UBR2: variants seen among roughly 807,000 people sequenced by gnomAD.
The protein encoded by UBR2 is ubiquitin protein ligase E3 component n-recognin 2.
UBR2 carries 92 observed loss-of-function variants against 247.9 expected under a neutral mutation model. The observed-to-expected ratio is 0.37, with a 90% CI of 0.31 to 0.44. UBR2 has a LOEUF of 0.44. Ranked by LOEUF, UBR2 falls within the 20% of genes least tolerant of loss-of-function variation. The probability of loss-of-function intolerance (pLI) is 1.00; values close to 1 mark genes in which losing one functional copy is unlikely to be tolerated. For missense variants in UBR2, 1,613 were observed against 2,112.6 expected (o/e 0.76, Z 4.64); for synonymous variants, 672 against 693.5 (o/e 0.97, Z 0.49).
intron 11 of UBR2, among the ~76,000 whole-genome samples, chr6:42,618,688 A>G (rs976506324): frequency 2.6e-5 from 4 of 152,368 alleles, no homozygotes; most frequent in Middle Eastern, 3.4e-3. Flanking sequence ...GGACGAGGAT[A>G]AAAGTGAGTG....
intron 10 of UBR2, among the ~76,000 whole-genome samples, chr6:42,616,632 CTT>C (rs535573811): frequency 2.2e-5 from 3 of 135,114 alleles, no homozygotes; most frequent in Admixed American, 7.5e-5. Flanking sequence ...ATGTATTTTG[CTT>C]TTTTTTTTTT....
rs1562409917 is a variant in UBR2 at position 42,689,148 on chromosome 6, G to C, written c.5025-421G>C. On this transcript the variant is annotated intron_variant, in intron 45 of 46. Transcript: ENST00000372901. This position sits in a 1 kb window ranked among gnomAD's most constrained non-coding sequence, Gnocchi z 4.0. ...TCACTGGAGTGTTGTGCACAGGTGA[G>C]AGAATCCAGGGGCCTGCTGTGTGCT... Among the ~76,000 whole-genome samples, 1 of 152,192 alleles carries C rather than the reference G, an allele frequency of 6.6e-6. No individual in the cohort carries two copies. Among genetic ancestry groups the C allele is most frequent in the Non-Finnish European group, 1.5e-5 (1 of 68,030 alleles).
chr6:42,670,480 A>G (rs1798364123), intron 35 of UBR2, among the ~76,000 whole-genome samples, 180 bp from the exon 36 acceptor site: 1 of 152,210 alleles, frequency 6.6e-6, no homozygotes, highest in Non-Finnish European at 1.5e-5. Context: ...AGTTGAAGGA[A>G]TGTACTGTTC....
rs372954536 is a variant in UBR2, at chr6:42,650,365, T to C, written c.2544T>C (p.Phe848=). ...AGTTCAACTTGTATTTCTATCACTT[T>C]TCAAGGGCAGAACAGTCCAAGGTAA... ...AKEFNLYFYH[F]SRAEQSKAEE... is the part of the protein sequence containing the mutation. The change falls in exon 23 of 47, where the codon TTT becomes TTC. Residue 848 remains phenylalanine (F), a synonymous_variant. Coordinates refer to ENST00000372901, the MANE Select transcript of UBR2 (RefSeq NM_001363705.2). The C allele has an allele frequency of 1.3e-5, 21 of 1,613,798 alleles. No individual in the cohort carries two copies. Among genetic ancestry groups the C allele is most frequent in the Non-Finnish European group, 1.8e-5 (21 of 1,179,834 alleles).
At chr6:42,603,822 A>C in intron 5 of UBR2, 104 bp downstream of exon 5, 2 of 1,186,526 alleles carry the variant, frequency 1.7e-6, no homozygotes, top group South Asian at 3.0e-5. Context: ...AGTTTTTAGC[A>C]GAACAATAAC....
Position 42,658,741 on chromosome 6 carries a change from G to A in UBR2, c.3159G>A (p.Gln1053=). The change falls in exon 29 of 47, where the codon CAG becomes CAA. Residue 1053 remains glutamine (Q), a synonymous_variant. Coordinates refer to ENST00000372901, the MANE Select transcript of UBR2 (RefSeq NM_001363705.2). ...TCATGGCTCAGATGTCTGAAATGCA[G>A]CGGCATTTTATTGATGAAAACAAAG... ...EKIMAQMSEM[Q]RHFIDENKEL... 1 of 1,612,678 alleles carries A rather than the reference G, an allele frequency of 6.2e-7. No individual in the cohort carries two copies. The highest frequency in any genetic ancestry group is 1.1e-5 in the South Asian group (1 of 91,024).
chr6:42,649,451 T>A (rs1046080424), intron 22 of UBR2, among the ~76,000 whole-genome samples: 1 of 152,164 alleles, frequency 6.6e-6, no homozygotes, highest in Non-Finnish European at 1.5e-5. Context: ...ACTGTGAAAG[T>A]GTTTCTTTGA....
chr6:42,626,191 C>A (rs1403645927), intron 11 of UBR2, among the ~76,000 whole-genome samples: 3 of 151,812 alleles, frequency 2.0e-5, no homozygotes, highest in African/African-American at 7.3e-5. Context: ...GCCATTCTTG[C>A]GTAGTTTCTT....
chr6:42,686,515 C>T (rs1396875159), intron 44 of UBR2, among the ~76,000 whole-genome samples: 1 of 152,168 alleles, frequency 6.6e-6, no homozygotes, highest in Non-Finnish European at 1.5e-5. Flanking sequence ...ATCTCTCTTT[C>T]TTTTCCCCAC....
At chr6:42,637,227 A>G (rs753880382) in intron 15 of UBR2, 33 bp downstream of exon 15, 2 of 1,585,446 alleles carry the variant, frequency 1.3e-6, no homozygotes. Flanking sequence ...AAACCCTAAA[A>G]TTATCTTTTA....
chr6:42,655,486 C>G (rs974068220), intron 25 of UBR2, 135 bp from the exon 26 acceptor site: 7 of 518,696 alleles, frequency 1.3e-5, no homozygotes, highest in African/African-American at 2.0e-5. Flanking sequence ...ATTAGTACTT[C>G]AAATTGTTTT....
At chr6:42,606,740 T>C in intron 7 of UBR2, 89 bp downstream of exon 7, 1 of 1,172,370 alleles carries the variant, frequency 8.5e-7, no homozygotes, top group South Asian at 1.5e-5. Flanking sequence ...TCTTTCTGCT[T>C]TCTCAAATGA....
intron 42 of UBR2, among the ~76,000 whole-genome samples, chr6:42,682,063 G>A (rs1287206695): frequency 6.6e-6 from 1 of 152,206 alleles, no homozygotes; most frequent in East Asian, 1.9e-4. Flanking sequence ...GACAGAGCAA[G>A]ACTCTGTCTC....
At chr6:42,582,282 C>CAGAAA (rs1791957680) in intron 2 of UBR2, among the ~76,000 whole-genome samples, 1 of 85,890 alleles carries the variant, frequency 1.2e-5, no homozygotes, top group African/African-American at 4.6e-5. Flanking sequence ...GACTCCGTCT[C>CAGAAA]AAAAAAAAAA....
chr6:42,588,016 A>C (rs900517827), intron 2 of UBR2, among the ~76,000 whole-genome samples: 5 of 152,172 alleles, frequency 3.3e-5, no homozygotes, highest in African/African-American at 1.2e-4. Context: ...ATTTAATTCA[A>C]TTCAACTCTG....
At chr6:42,684,549 A>C (rs1582732560) in intron 43 of UBR2, among the ~76,000 whole-genome samples, 4 of 151,592 alleles carry the variant, frequency 2.6e-5, no homozygotes, top group Admixed American at 2.0e-4. Context: ...GCGCCACTGC[A>C]CTCCAGCCTG....
chr6:42,670,746 G>T, intron 36 of UBR2, 31 bp downstream of exon 36: 1 of 1,567,234 alleles, frequency 6.4e-7, no homozygotes, highest in African/African-American at 1.4e-5. Context: ...GTTCATGATA[G>T]TGGGGCATGG....
At chr6:42,574,052 C>G in intron 2 of UBR2, 59 bp downstream of exon 2, 1 of 1,443,806 alleles carries the variant, frequency 6.9e-7, no homozygotes, top group Non-Finnish European at 9.1e-7. Flanking sequence ...TCTTTTTTTC[C>G]CTGGAACTTT....
chr6:42,654,543 G>A (rs1020834350), intron 25 of UBR2, among the ~76,000 whole-genome samples: 8 of 152,092 alleles, frequency 5.3e-5, no homozygotes, highest in African/African-American at 1.9e-4. Context: ...TGTACAACAT[G>A]GTAAAACCCC....
Sources: allele counts gnomAD v4.1 joint callset (sites outside exome capture counted in the v4.1 genomes callset), GRCh38; gene constraint gnomAD v4.1.1; non-coding constraint Gnocchi (gnomAD v3.1); transcripts MANE v1.5; gene names NCBI Gene and HGNC (gene_info 2026-07-23, HGNC 2026-07-21).